Variants in LRCH3 observed in about 807,000 individuals in gnomAD.
LRCH3 encodes leucine rich repeats and calponin homology domain containing 3.
LRCH3 carries 68 observed loss-of-function variants against 104.5 expected under a neutral mutation model. The ratio of observed to expected loss-of-function variants is 0.65; its 90% CI spans 0.54 to 0.80. The LOEUF (loss-of-function observed/expected upper bound fraction) is 0.80. LRCH3 is among the 30% of genes least tolerant of loss of function. The pLI is 0.00. For synonymous variants in LRCH3, 344 were observed against 361.3 expected (o/e 0.95, Z 0.54); for missense variants, 951 against 953.9 (o/e 1.00, Z 0.04).
Position 197,850,842 on chromosome 3 carries a change from C to A in LRCH3, c.1531-1719C>A. ...CTTCGTGGCTTTTCGTATATGCATA[C>A]CCTTGGTGGCCTGAGCAGTTCCACG... On this transcript the variant is annotated intron_variant, in intron 12 of 20. Coordinates refer to ENST00000425562, the MANE Select transcript of LRCH3 (RefSeq NM_001365715.1). 3 of 1,024,952 alleles carry A rather than the reference C, an allele frequency of 2.9e-6. No individual in the cohort carries two copies. In the South Asian group the frequency reaches 3.8e-5, roughly 13 times the overall value. The allele number at this position is 1,024,952 out of a possible 1,614,324, so 63.5% of individuals were successfully genotyped here.
chr3:197,848,925 C>T (rs1223179991), intron 12 of LRCH3, among the ~76,000 whole-genome samples: 1 of 152,134 alleles, frequency 6.6e-6, no homozygotes, highest in Non-Finnish European at 1.5e-5. Context: ...CACCTGATTC[C>T]TCTTCATCCA....
Position 197,807,047 on chromosome 3 carries a change from A to AAAC in LRCH3, c.263-7859_263-7858insCAA, listed in dbSNP as rs1553914671. ...GGGCGAGACCCTGTGTCAAAAAAAAAAAACAAACAAACATGCATACACACA... is the reference window on the plus strand; with the variant it reads ...GGGCGAGACCCTGTGTCAAAAAAAAAAACAAACAAACAAACATGCATACACACA... On this transcript the variant is annotated intron_variant, in intron 1 of 20. Coordinates refer to ENST00000425562, the MANE Select transcript of LRCH3 (RefSeq NM_001365715.1). Among the ~76,000 whole-genome samples the AAAC allele has an allele frequency of 3.3e-5, 5 of 151,584 alleles. No individual in the cohort carries two copies. The East Asian group carries it at 9.9e-4, about 30-fold the overall frequency.
At chr3:197,860,343 T>C (rs955565224) in intron 15 of LRCH3, among the ~76,000 whole-genome samples, 10 of 152,308 alleles carry the variant, frequency 6.6e-5, no homozygotes, top group African/African-American at 2.4e-4. Flanking sequence ...TATTCTTTAT[T>C]TTTTCTTGAA....
At chr3:197,865,233 G>A (rs183222124) in intron 15 of LRCH3, among the ~76,000 whole-genome samples, 190 bp from the exon 16 acceptor site, 8 of 152,046 alleles carry the variant, frequency 5.3e-5, no homozygotes, top group Admixed American at 2.0e-4. Flanking sequence ...AGTAATCCTC[G>A]CACCTCAGCC....
chr3:197,827,987 A>G (rs111478590), intron 5 of LRCH3, among the ~76,000 whole-genome samples: 24 of 151,806 alleles, frequency 1.6e-4, no homozygotes, highest in African/African-American at 5.8e-4. Context: ...TGAGGCAGGA[A>G]AATCACTTGA....
intron 19 of LRCH3, among the ~76,000 whole-genome samples, chr3:197,875,210 G>A (rs530405879): frequency 7.9e-5 from 12 of 152,150 alleles, no homozygotes; most frequent in South Asian, 2.1e-4. Context: ...GGATTATGGC[G>A]TGAGCCACCG....
chr3:197,873,630 C>T (rs543205607), intron 19 of LRCH3, among the ~76,000 whole-genome samples: 21 of 152,192 alleles, frequency 1.4e-4, no homozygotes, highest in African/African-American at 4.6e-4. Context: ...GAAGCTGTGG[C>T]GGGAGGATCA....
intron 9 of LRCH3, among the ~76,000 whole-genome samples, chr3:197,838,167 C>T (rs1212885749): frequency 1.3e-5 from 2 of 151,756 alleles, no homozygotes; most frequent in African/African-American, 4.9e-5. Context: ...TTCCTGTAGT[C>T]TCAGCCACTC....
chr3:197,830,469 C>T (rs1171218590), intron 6 of LRCH3, among the ~76,000 whole-genome samples: 1 of 152,216 alleles, frequency 6.6e-6, no homozygotes, highest in African/African-American at 2.4e-5. Flanking sequence ...CAGGCCTTCT[C>T]TTGAACCTCT....
chr3:197,866,094 T>C lies in LRCH3; in HGVS notation c.1766-18T>C. 1 of 1,562,176 alleles carries C rather than the reference T, an allele frequency of 6.4e-7. No individual in the cohort carries two copies. Among genetic ancestry groups the C allele is most frequent in the Non-Finnish European group, 8.8e-7 (1 of 1,132,936 alleles). On this transcript the variant is annotated intron_variant, in intron 16 of 20. Transcript: ENST00000425562. ...TTTCATCTCCTTTAATCTCATTTTA[T>C]TTTTCATGCTAATTTAGTTCATCAT...
intron 20 of LRCH3, chr3:197,882,775 G>A (rs982198873): frequency 4.0e-5 from 39 of 985,180 alleles, no homozygotes; most frequent in Non-Finnish European, 4.6e-5. Context: ...CAAGCAAACA[G>A]TGTCAACACT....
intron 10 of LRCH3, among the ~76,000 whole-genome samples, chr3:197,842,716 A>G (rs755137009): frequency 5.9e-5 from 9 of 152,176 alleles, no homozygotes; most frequent in Non-Finnish European, 1.0e-4. Flanking sequence ...AATGTTTTGT[A>G]GTATTTGCCA....
chr3:197,840,888 C>T lies in LRCH3; in HGVS notation c.1328+1491C>T, dbSNP rs550279799. Among the ~76,000 whole-genome samples the T allele has an allele frequency of 2.0e-5, 3 of 152,282 alleles. No individual in the cohort carries two copies. The South Asian group carries it at 6.2e-4, about 32-fold the overall frequency. Reference sequence around the variant, plus strand: ...AGATTCCAGTTTTATGCAGGAGTTTCCAGTTACATTCCCCACCTTGAGTGG... The same window carrying T: ...AGATTCCAGTTTTATGCAGGAGTTTTCAGTTACATTCCCCACCTTGAGTGG... On this transcript the variant is annotated intron_variant, in intron 10 of 20. Coordinates refer to ENST00000425562, the MANE Select transcript of LRCH3 (RefSeq NM_001365715.1).
At chr3:197,863,977 A>G (rs1047900908) in intron 15 of LRCH3, among the ~76,000 whole-genome samples, 2 of 152,198 alleles carry the variant, frequency 1.3e-5, no homozygotes, top group African/African-American at 4.8e-5. Flanking sequence ...TCATAGTCTT[A>G]GGAAGAGCTT....
chr3:197,820,439 C>A lies in LRCH3; in HGVS notation c.640+9C>A. ...AGTACATTTGCCTGAAGGTAAGAAACTATGAAATAAGAAACCATGAAATAA... is the reference window on the plus strand; with the variant it reads ...AGTACATTTGCCTGAAGGTAAGAAAATATGAAATAAGAAACCATGAAATAA... On this transcript the variant is annotated intron_variant, in intron 4 of 20. Transcript: ENST00000425562. 1 of 1,459,490 alleles carries A rather than the reference C, an allele frequency of 6.9e-7. No homozygotes were observed. The highest frequency in any genetic ancestry group is 9.6e-7 in the Non-Finnish European group (1 of 1,046,478). 90.4% of individuals were successfully genotyped at this position (1,459,490 alleles called of 1,614,324 possible). A position where few individuals can be genotyped will look rare whatever the true frequency, so the allele number is the denominator to read the frequency against.
rs57062885 is a variant in LRCH3 at position 197,813,510 on chromosome 3, ATTTTTTTTTTTTTTTTTTTTTTTTTT to A, written c.263-1385_263-1360del. On this transcript the variant is annotated intron_variant, in intron 1 of 20. Transcript: ENST00000425562. Reference sequence around the variant, plus strand: ...CCGTTCTTCTAATGGGAGGCATATAATTTTTTTTTTTTTTTTTTTTTTTTTTTTTTTTTTTTTTGAGATGGAATCTC... The same window carrying A: ...CCGTTCTTCTAATGGGAGGCATATAATTTTTTTTTTTTGAGATGGAATCTC... Among the ~76,000 whole-genome samples the A allele has an allele frequency of 4.7e-4, 31 of 66,064 alleles. 2 individuals are homozygous for A. Among genetic ancestry groups the A allele is most frequent in the African/African-American group, 1.4e-3 (30 of 21,212 alleles). 43.3% of individuals were successfully genotyped at this position (66,064 alleles called of 152,430 possible). A position where few individuals can be genotyped will look rare whatever the true frequency, so the allele number is the denominator to read the frequency against.
chr3:197,854,640 A>G lies in LRCH3; in HGVS notation c.1644+195A>G, dbSNP rs906661623. Among the ~76,000 whole-genome samples the G allele has an allele frequency of 6.6e-6, 1 of 152,208 alleles. No individual in the cohort carries two copies. Among genetic ancestry groups the G allele is most frequent in the African/African-American group, 2.4e-5 (1 of 41,452 alleles). ...AAGTTCTGCAGCTCATATCTTTGTC[A>G]GTGCCACCGAAAGGAAAACATTTGC... On this transcript the variant is annotated intron_variant, in intron 14 of 20. Transcript: ENST00000425562. This position sits in a 1 kb window ranked among gnomAD's most constrained non-coding sequence, Gnocchi z 4.5.
intron 20 of LRCH3, chr3:197,882,944 T>C: frequency 3.0e-6 from 3 of 985,430 alleles, no homozygotes; most frequent in Non-Finnish European, 3.6e-6. Flanking sequence ...GGCCCTTCCA[T>C]GAATTATTCA....
At chr3:197,840,754 CTT>C (rs921128084) in intron 10 of LRCH3, among the ~76,000 whole-genome samples, 8 of 152,094 alleles carry the variant, frequency 5.3e-5, no homozygotes, top group Non-Finnish European at 2.9e-5. Context: ...CATTTATACT[CTT>C]ATCACTTAAC....
Sources: allele counts gnomAD v4.1 joint callset (sites outside exome capture counted in the v4.1 genomes callset), GRCh38; gene constraint gnomAD v4.1.1; non-coding constraint Gnocchi (gnomAD v3.1); transcripts MANE v1.5; gene names NCBI Gene and HGNC (gene_info 2026-07-23, HGNC 2026-07-21).